The following CYP4F11 variants were observed in gnomAD, a reference collection of about 807,000 sequenced individuals.
CYP4F11 encodes the protein cytochrome P450 family 4 subfamily F member 11.
CYP4F11 carries 79 observed loss-of-function variants against 62.2 expected under a neutral mutation model. The observed-to-expected ratio is 1.27, with a 90% CI of 1.06 to 1.53. The LOEUF is 1.53. CYP4F11 is among the 40% of genes most tolerant of loss of function. The pLI is 0.00. For missense variants in CYP4F11, 777 were observed against 680.5 expected, an observed-to-expected ratio of 1.14 and a Z score of -1.58; for synonymous variants, 290 against 263.7, an observed-to-expected ratio of 1.10 and a Z score of -0.97.
intron 6 of CYP4F11, 59 bp downstream of exon 6, chr19:15,923,753 T>C: frequency 6.4e-7 from 1 of 1,560,602 alleles, no homozygotes; most frequent in Non-Finnish European, 8.7e-7. Context: ...AGTTCTTTCA[T>C]TTGACAGAGG....
chr19:15,929,324 G>C, intron 2 of CYP4F11, 133 bp downstream of exon 2: 1 of 1,205,720 alleles, frequency 8.3e-7, no homozygotes, highest in Non-Finnish European at 1.2e-6. Flanking sequence ...GAAGGAAAGA[G>C]GAACATGGCT....
chr19:15,925,914 C>T (rs1230462120), intron 4 of CYP4F11, among the ~76,000 whole-genome samples: 2 of 151,684 alleles, frequency 1.3e-5, no homozygotes, highest in Admixed American at 6.6e-5. Context: ...CCTGTAATTC[C>T]AACACTTTGG....
intron 8 of CYP4F11, among the ~76,000 whole-genome samples, chr19:15,917,100 G>C (rs111243789): frequency 7.9e-5 from 12 of 152,248 alleles, no homozygotes; most frequent in African/African-American, 2.9e-4. Context: ...CCATTAAAAG[G>C]AATGAAATAA....
chr19:15,929,705 A>G (rs2089696918), intron 1 of CYP4F11, 104 bp from the exon 2 acceptor site: 2 of 1,292,252 alleles, frequency 1.5e-6, no homozygotes, highest in African/African-American at 1.5e-5. Flanking sequence ...CCCAGATAAA[A>G]CATGCTGGTA....
rs771805860 is a variant in CYP4F11 at position 15,913,844 on chromosome 19, T to A, written c.1463A>T (p.His488Leu). 3.1e-6 allele frequency: 5 copies of A among 1,613,946 alleles called. No individual in the cohort carries two copies. The East Asian group carries it at 8.9e-5, about 29-fold the overall frequency. Residue 488 changes from histidine to leucine, a missense_variant, in exon 12 of 12, where the codon CAC becomes CTC. Transcript: ENST00000402119. ...AGTGTGGGTCGGCAGGATGCGGAAGTGCAGCAGGGTGAGCGCCAGGACCAC... is the reference window on the plus strand; with the variant it reads ...AGTGTGGGTCGGCAGGATGCGGAAGAGCAGCAGGGTGAGCGCCAGGACCAC... Reference protein sequence around the residue: ...MKVVLALTLLHFRILPTHTEP... With the variant: ...MKVVLALTLLLFRILPTHTEP...
Position 15,929,620 on chromosome 19 carries a change from C to A in CYP4F11, c.199-19G>T. On this transcript the variant is annotated intron_variant, in intron 1 of 11. Coordinates refer to ENST00000402119, the MANE Select transcript of CYP4F11 (RefSeq NM_021187.4). ...GAGTGACCTGAAAACAAGGCAGAGG[C>A]CGTCAGCCCTTGTGATGGTTAATTC... 1 of 1,569,918 alleles carries A rather than the reference C, an allele frequency of 6.4e-7. No individual in the cohort carries two copies. The highest frequency in any genetic ancestry group is 1.4e-5 in the African/African-American group (1 of 73,974).
intron 8 of CYP4F11, among the ~76,000 whole-genome samples, chr19:15,917,328 C>T (rs2089590912): frequency 6.6e-6 from 1 of 152,120 alleles, no homozygotes; most frequent in Admixed American, 6.5e-5. Flanking sequence ...ACAGTGTACA[C>T]TGTTTAGGAG....
chr19:15,927,771 A>G (rs888553034), intron 2 of CYP4F11: 7 of 450,960 alleles, frequency 1.6e-5, no homozygotes, highest in Admixed American at 7.3e-5. Flanking sequence ...AACACTCTAC[A>G]GAATGCCTTT....
rs1568479780 is a variant in CYP4F11 at position 15,912,791 on chromosome 19, T to TA, written c.*940dup. On this transcript the variant is annotated 3_prime_UTR_variant, in exon 12 of 12. Transcript: ENST00000402119. Reference sequence around the variant, plus strand: ...TGTGTGTATATATATATATATATAATATATATATATATATACATATCTTAT... The same window carrying TA: ...TGTGTGTATATATATATATATATAATAATATATATATATATACATATCTTAT... 7.4e-4 allele frequency: 64 copies of TA among 86,748 alleles called. 2 individuals carry two copies. Among genetic ancestry groups the TA allele is most frequent in the African/African-American group, 3.1e-3 (61 of 19,514 alleles). The allele number at this position is 86,748 out of a possible 1,614,324, so 5.4% of individuals were successfully genotyped here. A position where few individuals can be genotyped will look rare whatever the true frequency, so the allele number is the denominator to read the frequency against.
chr19:15,914,627 T>A lies in CYP4F11; in HGVS notation c.1289A>T (p.Asn430Ile). Reference protein sequence around the residue: ...CLINIIGIHYNPTVWPDPEVY... With the variant: ...CLINIIGIHYIPTVWPDPEVY... ...CTCAGGGTCTGGCCACACAGTTGGG[T>A]TGTAATGGATCCCGATAATATTGAT... Residue 430 changes from asparagine (N) to isoleucine (I), a missense_variant, in exon 10 of 12, where the codon AAC becomes ATC. Transcript: ENST00000402119. 1 of 1,613,898 alleles carries A rather than the reference T, an allele frequency of 6.2e-7. No homozygotes were observed. The highest frequency in any genetic ancestry group is 8.5e-7 in the Non-Finnish European group (1 of 1,179,954).
At chr19:15,914,688 T>A (rs1439333666) in intron 9 of CYP4F11, 22 bp from the exon 10 acceptor site, 17 of 1,613,940 alleles carry the variant, frequency 1.1e-5, no homozygotes, top group Non-Finnish European at 1.4e-5. Context: ...AAGAGGGCAG[T>A]CAGGACAAGG....
rs547256690 is a variant in CYP4F11, at chr19:15,934,525, G to T, written c.-117C>A. 3.3e-6 allele frequency: 4 copies of T among 1,225,708 alleles called. No individual in the cohort carries two copies. Among genetic ancestry groups the T allele is most frequent in the South Asian group, 3.1e-5 (2 of 65,402 alleles). 75.9% of individuals were successfully genotyped at this position (1,225,708 alleles called of 1,614,324 possible). ...CAGTGCTGGAGGCAGATCAGGGAAG[G>T]CTCTGAGATGGGTAAACAAGAGCTG... On this transcript the variant is annotated 5_prime_UTR_variant, in exon 1 of 12. Transcript: ENST00000402119.
chr19:15,927,171 C>T, intron 4 of CYP4F11, 41 bp downstream of exon 4: 2 of 1,603,802 alleles, frequency 1.2e-6, no homozygotes, highest in Non-Finnish European at 8.5e-7. Context: ...GGTCCCTCTA[C>T]CCCAAGGCTC....
intron 8 of CYP4F11, among the ~76,000 whole-genome samples, chr19:15,921,054 GTCTCTCTCTCTCTCTCTCTCTCTCTCTC>G (rs60842401): frequency 0.67 from 82,905 of 123,144 alleles, 27,523 homozygotes; most frequent in Non-Finnish European, 0.75. Context: ...CTCTCTTTCT[GTCTCTCTCTCTCTCTCTCTCTCTCTCTC>G]TCTCTCTCTC....
At chr19:15,915,064 A>G (rs1378857646) in intron 8 of CYP4F11, among the ~76,000 whole-genome samples, 169 bp from the exon 9 acceptor site, 1 of 152,252 alleles carries the variant, frequency 6.6e-6, no homozygotes, top group Admixed American at 6.5e-5. Flanking sequence ...AGAAAATTAG[A>G]AAAGTACCAG....
chr19:15,924,819 G>A lies in CYP4F11; in HGVS notation c.589C>T (p.Leu197Phe), dbSNP rs1824149341. 6.2e-7 allele frequency: 1 copy of A among 1,613,354 alleles called. No individual in the cohort carries two copies. The highest frequency in any genetic ancestry group is 1.1e-5 in the South Asian group (1 of 91,058). The change falls in exon 5 of 12, where the codon CTC (leucine) becomes TTC (phenylalanine). Residue 197 changes from leucine to phenylalanine, a missense_variant. By Grantham distance (22) the Leu-to-Phe change is conservative. Coordinates refer to ENST00000402119, the MANE Select transcript of CYP4F11 (RefSeq NM_021187.4). ...TTCTGCAGACTGTCCAAGGTCATGA[G>A]GCTGATGTGTTCAAACATGTCCAGT... is the stretch of plus-strand genomic sequence containing the variant. ...ARLDMFEHIS[L>F]MTLDSLQKCV...
chr19:15,918,163 A>G (rs2089597000), intron 8 of CYP4F11, among the ~76,000 whole-genome samples: 1 of 152,198 alleles, frequency 6.6e-6, no homozygotes, highest in Non-Finnish European at 1.5e-5. Context: ...GGAAGCCGTT[A>G]TTCTCAGCAA....
At chr19:15,927,510 C>T (rs2089679765) in intron 2 of CYP4F11, 27 bp from the exon 3 acceptor site, 1 of 1,612,414 alleles carries the variant, frequency 6.2e-7, no homozygotes. Flanking sequence ...CCATCAGTGG[C>T]CATGGAGAGG....
chr19:15,915,371 T>G (rs2089576235), intron 8 of CYP4F11, among the ~76,000 whole-genome samples: 5 of 152,208 alleles, frequency 3.3e-5, no homozygotes, highest in Admixed American at 3.3e-4. Flanking sequence ...AACAGAACAC[T>G]TCACTGGAAA....
Sources: gnomAD v4.1 joint callset for allele counts (sites outside exome capture counted in the v4.1 genomes callset) on GRCh38, gnomAD v4.1.1 for gene constraint, MANE v1.5 for transcripts, NCBI Gene and HGNC (gene_info 2026-07-23, HGNC 2026-07-21) for gene names.